The following PDE12 variants were observed in gnomAD, a reference collection of about 807,000 sequenced individuals.
The protein encoded by PDE12 is phosphodiesterase 12.
In PDE12, 26 loss-of-function variants were observed where a neutral mutation model predicts 45.4. That is an observed-to-expected ratio of 0.57 (90% CI 0.42 to 0.79). The LOEUF is 0.79. Ranked by LOEUF, PDE12 falls within the 30% of genes least tolerant of loss-of-function variation. The pLI, the probability that PDE12 is intolerant of heterozygous loss-of-function variation, is 0.00. For missense variants in PDE12, 668 were observed against 790.0 expected, an observed-to-expected ratio of 0.85 and a Z score of 1.85; for synonymous variants, 283 against 323.9, an observed-to-expected ratio of 0.87 and a Z score of 1.36.
the PDE12 span, among the ~76,000 whole-genome samples, chr3:57,579,145 G>A: frequency 8.9e-5 from 13 of 146,762 alleles, no homozygotes; most frequent in African/African-American, 2.0e-4. Context: ...AAAATTAGCC[G>A]GGCATGGTGG....
chr3:57,615,499 A>G, the PDE12 span, among the ~76,000 whole-genome samples: 3 of 152,152 alleles, frequency 2.0e-5, no homozygotes, highest in Non-Finnish European at 4.4e-5. Flanking sequence ...AACAAAAGAA[A>G]GACTAAAGCA....
chr3:57,559,610 G>A lies in PDE12; in HGVS notation c.1436G>A (p.Arg479Lys). 1 of 1,613,112 alleles carries A rather than the reference G, an allele frequency of 6.2e-7. No homozygotes were observed. The highest frequency in any genetic ancestry group is 2.2e-5 in the East Asian group (1 of 44,860). Reference sequence around the variant, plus strand: ...ATGGCAGTAGCCTTGGCTCACATAAGACATGTTTCATGTGATCTGTATCCT... The same window carrying A: ...ATGGCAGTAGCCTTGGCTCACATAAAACATGTTTCATGTGATCTGTATCCT... ...IQMAVALAHI[R>K]HVSCDLYPGI... Residue 479 changes from arginine to lysine, a missense_variant, in exon 3 of 3, where the codon AGA becomes AAA. Physicochemically the swap from Arg to Lys is conservative, Grantham distance 26. Coordinates refer to ENST00000311180, the MANE Select transcript of PDE12 (RefSeq NM_177966.7).
the PDE12 span, among the ~76,000 whole-genome samples, chr3:57,595,756 C>A: frequency 1.3e-5 from 2 of 152,104 alleles, no homozygotes; most frequent in Non-Finnish European, 2.9e-5. Context: ...CGAGACCAGA[C>A]TGGCCAACGT....
At chr3:57,627,357 T>C in the PDE12 span, 1 of 152,222 alleles carries the variant, frequency 6.6e-6, no homozygotes, top group African/African-American at 2.4e-5. Context: ...TTGGCCAGGC[T>C]GGTCTTGGAC....
the PDE12 span, among the ~76,000 whole-genome samples, chr3:57,612,008 G>T: frequency 3.1e-4 from 47 of 152,034 alleles, no homozygotes; most frequent in Middle Eastern, 3.4e-3. Flanking sequence ...CCATCAATGA[G>T]AGACTGGATT....
chr3:57,590,127 AT>A, the PDE12 span, among the ~76,000 whole-genome samples: 27 of 147,780 alleles, frequency 1.8e-4, no homozygotes, highest in Admixed American at 3.4e-4. Flanking sequence ...AAATAAATAA[AT>A]AAATAAAACA....
chr3:57,614,418 T>C, the PDE12 span, among the ~76,000 whole-genome samples: 1 of 151,868 alleles, frequency 6.6e-6, no homozygotes, highest in Non-Finnish European at 1.5e-5. Flanking sequence ...GAAGGGGATA[T>C]CTCCAAGTAT....
chr3:57,587,428 T>C, the PDE12 span, among the ~76,000 whole-genome samples: 4 of 151,466 alleles, frequency 2.6e-5, no homozygotes, highest in African/African-American at 9.7e-5. Flanking sequence ...TACAAAAGCA[T>C]GTAGGTAATC....
At chr3:57,628,430 G>A in the PDE12 span, 1 of 1,482,044 alleles carries the variant, frequency 6.7e-7, no homozygotes, top group Non-Finnish European at 9.0e-7. Context: ...CCATTTTAAA[G>A]GTCTAACAAT....
rs529715446 is a variant in PDE12 at position 57,560,300 on chromosome 3, G to A, written c.*296G>A. On this transcript the variant is annotated 3_prime_UTR_variant, in exon 3 of 3. Transcript: ENST00000311180. The stretch of plus-strand genomic sequence containing the variant: ...CTCAGAAAAGGAAGATTGAATTAGC[G>A]TGTTTTTTGTTTGTTTGTTTTTGTT... 1,151 of 1,144,100 alleles carry A rather than the reference G, an allele frequency of 1.0e-3. 10 individuals carry two copies. The highest frequency in any genetic ancestry group is 8.3e-4 in the Non-Finnish European group (771 of 930,546). The allele number at this position is 1,144,100 out of a possible 1,614,324, so 70.9% of individuals were successfully genotyped here. A position where few individuals can be genotyped will look rare whatever the true frequency, so the allele number is the denominator to read the frequency against.
At chr3:57,603,852 C>T in the PDE12 span, among the ~76,000 whole-genome samples, 2 of 151,902 alleles carry the variant, frequency 1.3e-5, no homozygotes, top group Admixed American at 6.6e-5. Context: ...AAACTCCTGA[C>T]CTCAGGTGAT....
the PDE12 span, among the ~76,000 whole-genome samples, chr3:57,586,493 C>A: frequency 6.6e-6 from 1 of 152,166 alleles, no homozygotes; most frequent in East Asian, 1.9e-4. Context: ...CTGTACCCTA[C>A]CAAGAATAAC....
chr3:57,656,228 C>T, the PDE12 span, among the ~76,000 whole-genome samples: 2 of 152,090 alleles, frequency 1.3e-5, no homozygotes, highest in African/African-American at 4.8e-5. Context: ...GATTTCTGTC[C>T]CTATAGTTTT....
chr3:57,619,203 C>G, the PDE12 span, among the ~76,000 whole-genome samples: 4 of 151,810 alleles, frequency 2.6e-5, no homozygotes, highest in African/African-American at 9.7e-5. Context: ...AAAAAATTAG[C>G]CGGGTGTGGT....
At chr3:57,573,747 A>G in the PDE12 span, among the ~76,000 whole-genome samples, 36 of 151,908 alleles carry the variant, frequency 2.4e-4, 1 homozygote, top group South Asian at 7.5e-3. Context: ...ACGACCAGCT[A>G]ATTTTTGTAA....
At chr3:57,639,703 A>C in the PDE12 span, among the ~76,000 whole-genome samples, 3 of 152,110 alleles carry the variant, frequency 2.0e-5, no homozygotes, top group African/African-American at 7.2e-5. Context: ...TAGCAGACAA[A>C]AAATTTGAGG....
chr3:57,652,739 T>C, the PDE12 span, among the ~76,000 whole-genome samples: 5 of 152,196 alleles, frequency 3.3e-5, no homozygotes, highest in Non-Finnish European at 7.3e-5. Context: ...GCTCAACTTA[T>C]ATGCCACCTC....
At chr3:57,630,417 G>A in the PDE12 span, 57 of 1,577,118 alleles carry the variant, frequency 3.6e-5, no homozygotes, top group Middle Eastern at 1.7e-4. Flanking sequence ...CACAGTTTTC[G>A]AACCTCTTCA....
At chr3:57,637,110 T>C in the PDE12 span, among the ~76,000 whole-genome samples, 1 of 152,148 alleles carries the variant, frequency 6.6e-6, no homozygotes, top group East Asian at 1.9e-4. Flanking sequence ...GGTCCAAGAA[T>C]ACTGCACAAA....
Sources: allele counts gnomAD v4.1 joint callset (sites outside exome capture counted in the v4.1 genomes callset), GRCh38; gene constraint gnomAD v4.1.1; transcripts MANE v1.5; gene names NCBI Gene and HGNC (gene_info 2026-07-23, HGNC 2026-07-21).